The following ARHGAP15 variants were observed in gnomAD, a reference collection of about 807,000 sequenced individuals.
ARHGAP15 encodes Rho GTPase activating protein 15.
In ARHGAP15, 51 loss-of-function variants were observed where a neutral mutation model predicts 63.7. The observed-to-expected ratio is 0.80, with a 90% confidence interval of 0.64 to 1.01. The LOEUF (loss-of-function observed/expected upper bound fraction) is 1.01. ARHGAP15 is among the 50% of genes least tolerant of loss of function. The pLI is 0.00. For missense variants in ARHGAP15, 560 were observed against 564.6 expected (o/e 0.99, Z 0.08); for synonymous variants, 191 against 193.8 (o/e 0.99, Z 0.12).
chr2:143,522,029 A>C (rs1338351124), intron 10 of ARHGAP15: 1 of 152,144 alleles, frequency 6.6e-6, no homozygotes, highest in African/African-American at 2.4e-5. Flanking sequence ...AGGAAATTCT[A>C]CCCAGTACTT....
intron 6 of ARHGAP15, among the ~76,000 whole-genome samples, chr2:143,433,316 T>C (rs1482045340): frequency 6.6e-6 from 1 of 152,066 alleles, no homozygotes; most frequent in Non-Finnish European, 1.5e-5. Flanking sequence ...TGGATGCATT[T>C]AAACTGTAGA....
At chr2:143,330,475 G>GTAGCC (rs1479059163) in intron 6 of ARHGAP15, among the ~76,000 whole-genome samples, 1 of 152,062 alleles carries the variant, frequency 6.6e-6, no homozygotes, top group Admixed American at 6.6e-5. Flanking sequence ...GATTTCATAA[G>GTAGCC]TAGCCATGTA....
intron 2 of ARHGAP15, among the ~76,000 whole-genome samples, chr2:143,187,995 G>A (rs528725872): frequency 1.3e-5 from 2 of 152,260 alleles, no homozygotes; most frequent in African/African-American, 4.8e-5. Flanking sequence ...TTCTCTACCT[G>A]TCTATTCATC....
chr2:143,199,533 A>G (rs1276437299), intron 2 of ARHGAP15, among the ~76,000 whole-genome samples: 1 of 152,012 alleles, frequency 6.6e-6, no homozygotes, highest in Non-Finnish European at 1.5e-5. Context: ...TTGCAACTTC[A>G]TCCCTCCGTA....
intron 10 of ARHGAP15, among the ~76,000 whole-genome samples, chr2:143,535,306 C>G (rs1694703967): frequency 6.6e-6 from 1 of 152,114 alleles, no homozygotes; most frequent in African/African-American, 2.4e-5. Context: ...CCATCTTTTT[C>G]TCTCCCACAT....
intron 1 of ARHGAP15, among the ~76,000 whole-genome samples, chr2:143,148,855 G>A (rs1295859646): frequency 2.6e-5 from 4 of 152,002 alleles, no homozygotes; most frequent in Non-Finnish European, 5.9e-5. Context: ...AAGCCACAGG[G>A]AGAAAACAAA....
At chr2:143,477,231 C>T (rs887375758) in intron 8 of ARHGAP15, among the ~76,000 whole-genome samples, 1 of 151,592 alleles carries the variant, frequency 6.6e-6, no homozygotes, top group South Asian at 2.1e-4. Flanking sequence ...CACACATATA[C>T]AGCAGCTAAG....
At chr2:143,387,135 C>T (rs946146845) in intron 6 of ARHGAP15, among the ~76,000 whole-genome samples, 1 of 152,068 alleles carries the variant, frequency 6.6e-6, no homozygotes, top group Non-Finnish European at 1.5e-5. Flanking sequence ...CTTGCACATG[C>T]ACCCCTGAAC....
At chr2:143,683,922 A>G (rs1366400984) in intron 12 of ARHGAP15, among the ~76,000 whole-genome samples, 1 of 152,228 alleles carries the variant, frequency 6.6e-6, no homozygotes, top group East Asian at 1.9e-4. Context: ...GGGACTTTTA[A>G]TATTTGCAAA....
chr2:143,305,018 C>T (rs867159115), intron 6 of ARHGAP15, among the ~76,000 whole-genome samples: 2 of 152,044 alleles, frequency 1.3e-5, no homozygotes, highest in African/African-American at 4.8e-5. Flanking sequence ...TATAAAGACA[C>T]ATGCACACAT....
intron 2 of ARHGAP15, among the ~76,000 whole-genome samples, chr2:143,188,831 G>T (rs1691553803): frequency 6.6e-6 from 1 of 151,588 alleles, no homozygotes; most frequent in Admixed American, 6.6e-5. Flanking sequence ...TCATCATATT[G>T]GCCAGACTGG....
At chr2:143,363,265 G>T (rs1574335673) in intron 6 of ARHGAP15, among the ~76,000 whole-genome samples, 1 of 152,168 alleles carries the variant, frequency 6.6e-6, no homozygotes, top group Non-Finnish European at 1.5e-5. Flanking sequence ...TCTTGCCCAG[G>T]TGGGGTGGCT....
intron 6 of ARHGAP15, among the ~76,000 whole-genome samples, chr2:143,329,293 G>T (rs922013254): frequency 6.6e-6 from 1 of 152,208 alleles, no homozygotes; most frequent in Non-Finnish European, 1.5e-5. Flanking sequence ...TCAAAAAGGA[G>T]ATGATCCTGA....
At chr2:143,313,994 T>C in intron 6 of ARHGAP15, among the ~76,000 whole-genome samples, 1 of 152,134 alleles carries the variant, frequency 6.6e-6, no homozygotes, top group East Asian at 1.9e-4. Flanking sequence ...TTTTTACATT[T>C]AGCCTCCAGC....
intron 6 of ARHGAP15, among the ~76,000 whole-genome samples, chr2:143,425,369 T>G (rs1558962708): frequency 6.6e-6 from 1 of 151,996 alleles, no homozygotes; most frequent in African/African-American, 2.4e-5. Context: ...AGAACACATA[T>G]GTACACATGT....
chr2:143,245,986 G>A (rs1694032677), intron 5 of ARHGAP15, among the ~76,000 whole-genome samples: 2 of 151,988 alleles, frequency 1.3e-5, no homozygotes, highest in Non-Finnish European at 2.9e-5. Context: ...AAATGACACA[G>A]GAAAAAAATG....
Position 143,699,594 on chromosome 2 carries a change from C to A in ARHGAP15, c.1139-3825C>A, listed in dbSNP as rs534002418. ...TGCTCACCAATCAGACCATCAATTT[C>A]TCAGCCTATCACAAAGTATTTAGGT... On this transcript the variant is annotated intron_variant, in intron 12 of 13. Transcript: ENST00000295095. 7.2e-5 allele frequency among the ~76,000 whole-genome samples: 11 copies of A among 152,334 alleles called. No homozygotes were observed. In the South Asian group the frequency reaches 2.3e-3, roughly 32 times the overall value.
In ARHGAP15 at chr2:143,171,516, T is replaced by C. The variant is rs1360765688; in HGVS notation, c.165+15861T>C. Among the ~76,000 whole-genome samples the C allele has an allele frequency of 3.3e-5, 5 of 152,040 alleles. No individual in the cohort carries two copies. The East Asian group carries it at 9.7e-4, about 29-fold the overall frequency. On this transcript the variant is annotated intron_variant, in intron 2 of 13. Coordinates refer to ENST00000295095, the MANE Select transcript of ARHGAP15 (RefSeq NM_018460.4). ...GAGCTGGAGTTACAGAAAGCACCAGTAGAAAGGCAGGCTGGGGATTTAATT... is the reference window on the plus strand; with the variant it reads ...GAGCTGGAGTTACAGAAAGCACCAGCAGAAAGGCAGGCTGGGGATTTAATT...
intron 2 of ARHGAP15, among the ~76,000 whole-genome samples, chr2:143,180,767 G>A (rs141778545): frequency 0.013 from 2,040 of 152,060 alleles, 43 homozygotes; most frequent in South Asian, 0.1. Flanking sequence ...TCTGCCTCCC[G>A]GGTTCACTGC....
Sources: allele counts gnomAD v4.1 joint callset (sites outside exome capture counted in the v4.1 genomes callset), GRCh38; gene constraint gnomAD v4.1.1; transcripts MANE v1.5; gene names NCBI Gene and HGNC (gene_info 2026-07-23, HGNC 2026-07-21).